Variants in RSU1 observed in about 807,000 individuals in gnomAD.
RSU1 encodes the protein rsu-1.
A neutral mutation model predicts 31.1 loss-of-function variants in RSU1; 26 were observed. The ratio of observed to expected loss-of-function variants is 0.84; its 90% CI spans 0.61 to 1.16. RSU1 has a LOEUF of 1.16. Among genes scored for constraint, RSU1 ranks in the 50% most tolerant of loss-of-function variants. The probability of loss-of-function intolerance (pLI) is 0.00; values close to 1 mark genes in which losing one functional copy is unlikely to be tolerated. For synonymous variants in RSU1, 164 were observed against 136.3 expected (o/e 1.20, Z -1.41); for missense variants, 320 against 339.1 (o/e 0.94, Z 0.44).
chr10:16,777,243 T>G (rs1005524948), intron 3 of RSU1, among the ~76,000 whole-genome samples: 2 of 152,074 alleles, frequency 1.3e-5, no homozygotes, highest in Non-Finnish European at 2.9e-5. Context: ...ACATAAATAC[T>G]TCAAACTTTC....
intron 8 of RSU1, among the ~76,000 whole-genome samples, chr10:16,645,011 G>A (rs1029996513): frequency 3.3e-5 from 5 of 152,046 alleles, no homozygotes; most frequent in Admixed American, 1.3e-4. Context: ...TTCTCAACAC[G>A]CTTCCTCATA....
chr10:16,627,762 CAAAAAAAAA>C (rs74962434), intron 8 of RSU1, among the ~76,000 whole-genome samples: 2 of 67,556 alleles, frequency 3.0e-5, no homozygotes, highest in African/African-American at 4.6e-5. Flanking sequence ...CATCTCAATA[CAAAAAAAAA>C]AAAAAAAAAA....
intron 2 of RSU1, among the ~76,000 whole-genome samples, chr10:16,798,602 C>A (rs1838087792): frequency 6.6e-6 from 1 of 152,172 alleles, no homozygotes; most frequent in Admixed American, 6.5e-5. Context: ...GAGGTCTCCC[C>A]AACTATGCTG....
intron 8 of RSU1, among the ~76,000 whole-genome samples, chr10:16,635,004 A>G: frequency 6.6e-6 from 1 of 152,330 alleles, no homozygotes; most frequent in Admixed American, 6.5e-5. Context: ...GTTTCTTACC[A>G]AGTTATTATA....
chr10:16,725,795 A>T (rs1237595657), intron 7 of RSU1, among the ~76,000 whole-genome samples: 1 of 148,318 alleles, frequency 6.7e-6, no homozygotes, highest in Non-Finnish European at 1.5e-5. Flanking sequence ...CCCAGTCTCA[A>T]GTATTTTGTG....
Position 16,684,285 on chromosome 10 carries a change from T to C in RSU1, c.731+10738A>G, listed in dbSNP as rs77532327. On this transcript the variant is annotated intron_variant, in intron 8 of 8. Transcript: ENST00000345264. ...CACATAATGTTATGCCAGAGTCAGATTGGAAAGTAAGTCAGGATATGTAGG... is the reference window on the plus strand; with the variant it reads ...CACATAATGTTATGCCAGAGTCAGACTGGAAAGTAAGTCAGGATATGTAGG... Among the ~76,000 whole-genome samples, 1,119 of 152,266 alleles carry C rather than the reference T, an allele frequency of 7.3e-3. 43 individuals carry two copies. The East Asian group carries it at 0.11, about 15-fold the overall frequency.
chr10:16,808,713 T>C (rs933304004), intron 2 of RSU1, among the ~76,000 whole-genome samples: 2 of 152,224 alleles, frequency 1.3e-5, no homozygotes, highest in Non-Finnish European at 2.9e-5. Flanking sequence ...GAATGAACTA[T>C]GTCTTCCCAA....
intron 3 of RSU1, among the ~76,000 whole-genome samples, chr10:16,774,643 T>C (rs1268473836): frequency 1.3e-5 from 2 of 152,182 alleles, no homozygotes; most frequent in African/African-American, 2.4e-5. Flanking sequence ...CTTCATCCGA[T>C]TCTGGAGTTT....
intron 8 of RSU1, among the ~76,000 whole-genome samples, chr10:16,598,216 CAG>C (rs1833654035): frequency 1.3e-5 from 2 of 152,148 alleles, no homozygotes; most frequent in East Asian, 3.9e-4. Context: ...CCCGTGGGCT[CAG>C]TGTCATCAAA....
intron 8 of RSU1, among the ~76,000 whole-genome samples, chr10:16,657,854 G>A (rs1272903704): frequency 1.3e-5 from 2 of 152,188 alleles, no homozygotes; most frequent in Admixed American, 6.5e-5. Flanking sequence ...TTAGCCAGAT[G>A]TGGTGCACAC....
chr10:16,755,787 CCT>C (rs1375122486), intron 4 of RSU1, among the ~76,000 whole-genome samples: 1 of 152,120 alleles, frequency 6.6e-6, no homozygotes, highest in Non-Finnish European at 1.5e-5. Flanking sequence ...CATTTTATTC[CCT>C]GTTTCGATGA....
At chr10:16,619,438 A>G (rs896108121) in intron 8 of RSU1, among the ~76,000 whole-genome samples, 1 of 152,248 alleles carries the variant, frequency 6.6e-6, no homozygotes, top group South Asian at 2.1e-4. Context: ...ATCTAGGCAC[A>G]TCGGGTTCCC....
intron 5 of RSU1, among the ~76,000 whole-genome samples, chr10:16,754,252 T>C (rs879815777): frequency 6.6e-6 from 1 of 152,184 alleles, no homozygotes; most frequent in Non-Finnish European, 1.5e-5. Flanking sequence ...TCCAAAATAG[T>C]GCATGAGTTC....
chr10:16,604,789 G>A (rs1833773284), intron 8 of RSU1, among the ~76,000 whole-genome samples: 1 of 152,182 alleles, frequency 6.6e-6, no homozygotes, highest in Non-Finnish European at 1.5e-5. Flanking sequence ...AGGTCCATCA[G>A]GGTGTCCTGT....
At chr10:16,729,609 G>C (rs1329944314) in intron 7 of RSU1, among the ~76,000 whole-genome samples, 2 of 152,178 alleles carry the variant, frequency 1.3e-5, no homozygotes, top group Admixed American at 1.3e-4. Context: ...AAAAGATATG[G>C]AGACCTCTGA....
rs569269749 is a variant in RSU1 at position 16,777,399 on chromosome 10, C to T, written c.160+4635G>A. ...CCATAATAAACACTAAAAAATGATA[C>T]GTGAAACTGAATATTTTCATGGTAG... On this transcript the variant is annotated intron_variant, in intron 3 of 8. Coordinates refer to ENST00000345264, the MANE Select transcript of RSU1 (RefSeq NM_012425.4). 2.0e-3 allele frequency among the ~76,000 whole-genome samples: 299 copies of T among 152,190 alleles called. 6 individuals are homozygous for T. In the South Asian group the frequency reaches 0.038, roughly 20 times the overall value.
At chr10:16,621,247 A>G (rs958815748) in intron 8 of RSU1, among the ~76,000 whole-genome samples, 5 of 152,126 alleles carry the variant, frequency 3.3e-5, no homozygotes, top group African/African-American at 9.7e-5. Context: ...GCCACTGAAC[A>G]TGCCACCCTG....
intron 7 of RSU1, among the ~76,000 whole-genome samples, chr10:16,749,731 T>C (rs1432110447): frequency 1.3e-5 from 2 of 152,176 alleles, no homozygotes; most frequent in African/African-American, 4.8e-5. Flanking sequence ...GCAGAGGCCA[T>C]CTCAGCTGCG....
At chr10:16,787,425 C>G (rs1266036587) in intron 2 of RSU1, among the ~76,000 whole-genome samples, 1 of 152,166 alleles carries the variant, frequency 6.6e-6, no homozygotes, top group Non-Finnish European at 1.5e-5. Context: ...CTTGCCCAAC[C>G]CGCACGGCTG....
Sources: allele counts gnomAD v4.1 joint callset (sites outside exome capture counted in the v4.1 genomes callset), GRCh38; gene constraint gnomAD v4.1.1; transcripts MANE v1.5; gene names NCBI Gene and HGNC (gene_info 2026-07-23, HGNC 2026-07-21).